The following CECR2 variants were observed in gnomAD, a reference collection of about 807,000 sequenced individuals.
CECR2 encodes the protein CECR2 histone acetyl-lysine reader, also known as chromatin remodeling regulator CECR2.
A neutral mutation model predicts 154.5 loss-of-function variants in CECR2; 30 were observed. The ratio of observed to expected loss-of-function variants is 0.19; its 90% CI spans 0.15 to 0.26. The LOEUF is 0.26. Ranked by LOEUF, CECR2 falls within the 10% of genes least tolerant of loss-of-function variation. The probability of loss-of-function intolerance (pLI) is 1.00; values close to 1 mark genes in which losing one functional copy is unlikely to be tolerated. For synonymous variants in CECR2, 725 were observed against 683.7 expected (o/e 1.06, Z -0.94); for missense variants, 1,743 against 1,829.3 (o/e 0.95, Z 0.86).
chr22:17,446,137 TA>T (rs201360606), intron 1 of CECR2, among the ~76,000 whole-genome samples: 5 of 152,034 alleles, frequency 3.3e-5, no homozygotes, highest in Non-Finnish European at 7.4e-5. Flanking sequence ...AAATAGCCAT[TA>T]AAAAAAACTC....
In CECR2 at chr22:17,430,275, T is replaced by C. The variant is rs11912338; in HGVS notation, c.127-47313T>C. On this transcript the variant is annotated intron_variant, in intron 1 of 18. Transcript: ENST00000262608. ...TGCACATAACCTATACCCGCATTTG[T>C]TTAGCAAAATGGTGTGCACGGGTTC... Among the ~76,000 whole-genome samples, 347 of 152,294 alleles carry C rather than the reference T, an allele frequency of 2.3e-3. 1 individual carries two copies. The highest frequency in any genetic ancestry group is 7.9e-3 in the African/African-American group (330 of 41,566).
In CECR2 at chr22:17,392,266, A is replaced by G. The variant is rs533125856; in HGVS notation, c.126+22357A>G. 2.0e-5 allele frequency among the ~76,000 whole-genome samples: 3 copies of G among 152,206 alleles called. No individual in the cohort carries two copies. In the South Asian group the frequency reaches 6.2e-4, roughly 32 times the overall value. On this transcript the variant is annotated intron_variant, in intron 1 of 18. Coordinates refer to ENST00000262608, the MANE Select transcript of CECR2 (RefSeq NM_001290047.2). Reference sequence around the variant, plus strand: ...TAAGACCGTGTCTCAACAACAAAAAAAATTTTTAATTGGCCAGGCGCAGTG... The same window carrying G: ...TAAGACCGTGTCTCAACAACAAAAAGAATTTTTAATTGGCCAGGCGCAGTG...
chr22:17,505,617 T>C (rs1328769409), intron 7 of CECR2, among the ~76,000 whole-genome samples: 1 of 134,164 alleles, frequency 7.5e-6, no homozygotes, highest in Non-Finnish European at 1.5e-5. Flanking sequence ...CACTGCAACC[T>C]CTGCCTTCCA....
chr22:17,493,745 G>C (rs1187235419), intron 2 of CECR2, among the ~76,000 whole-genome samples: 1 of 152,266 alleles, frequency 6.6e-6, no homozygotes, highest in African/African-American at 2.4e-5. Flanking sequence ...CAGACAGACT[G>C]TTGTCTAAAG....
intron 1 of CECR2, among the ~76,000 whole-genome samples, chr22:17,464,536 G>T (rs988428645): frequency 1.3e-5 from 2 of 151,954 alleles, no homozygotes; most frequent in Non-Finnish European, 2.9e-5. Flanking sequence ...TCTCTGCTTG[G>T]TCGTTCAGAC....
At chr22:17,397,522 G>A (rs2146524547) in intron 1 of CECR2, among the ~76,000 whole-genome samples, 1 of 151,930 alleles carries the variant, frequency 6.6e-6, no homozygotes, top group African/African-American at 2.4e-5. Context: ...TTTTAAGACG[G>A]AGTCTCACTC....
chr22:17,463,654 G>T (rs569871804), intron 1 of CECR2, among the ~76,000 whole-genome samples: 26 of 152,104 alleles, frequency 1.7e-4, no homozygotes, highest in Admixed American at 3.3e-4. Flanking sequence ...TCCAAAGCTC[G>T]GTTTGGTTCT....
At chr22:17,414,217 C>T (rs1016044627) in intron 1 of CECR2, among the ~76,000 whole-genome samples, 47 of 152,244 alleles carry the variant, frequency 3.1e-4, no homozygotes, top group African/African-American at 1.1e-3. Flanking sequence ...CGTGATCCGC[C>T]CGCCTTGGCC....
intron 1 of CECR2, among the ~76,000 whole-genome samples, chr22:17,398,390 C>T (rs1382194131): frequency 3.3e-5 from 5 of 151,900 alleles, no homozygotes; most frequent in African/African-American, 7.3e-5. Context: ...TATGTGAGGT[C>T]GTAAGTGTGG....
chr22:17,441,393 C>T lies in CECR2; in HGVS notation c.127-36195C>T, dbSNP rs568379079. On this transcript the variant is annotated intron_variant, in intron 1 of 18. Coordinates refer to ENST00000262608, the MANE Select transcript of CECR2 (RefSeq NM_001290047.2). ...CGCACAGCTGTGATACTGTACTAGG[C>T]TGATAATCTTAACACAGAGCCCTTC... 2.2e-4 allele frequency among the ~76,000 whole-genome samples: 34 copies of T among 152,268 alleles called. No individual in the cohort carries two copies. The South Asian group carries it at 6.7e-3, about 30-fold the overall frequency.
intron 1 of CECR2, among the ~76,000 whole-genome samples, chr22:17,397,540 C>T (rs1159587891): frequency 6.6e-6 from 1 of 152,036 alleles, no homozygotes; most frequent in Admixed American, 6.6e-5. Context: ...CTCTTTTGCC[C>T]AGGTCAGACT....
upstream of CECR2, among the ~76,000 whole-genome samples, chr22:17,368,889 C>T (rs1473392298): frequency 1.3e-5 from 2 of 152,128 alleles, no homozygotes; most frequent in Non-Finnish European, 2.9e-5. Context: ...GCTCAATCAG[C>T]CCCACCGCCT....
chr22:17,454,606 A>G (rs1436335109), intron 1 of CECR2, among the ~76,000 whole-genome samples: 2 of 148,602 alleles, frequency 1.3e-5, no homozygotes, highest in Non-Finnish European at 3.0e-5. Flanking sequence ...CTCCGTCTCA[A>G]AAAAAAAAAA....
chr22:17,511,223 T>C (rs912496988), intron 7 of CECR2, among the ~76,000 whole-genome samples: 1 of 152,234 alleles, frequency 6.6e-6, no homozygotes, highest in African/African-American at 2.4e-5. Context: ...TCAAAAGTAG[T>C]AACCTAGATA....
chr22:17,388,201 G>A (rs1358105601), intron 1 of CECR2, among the ~76,000 whole-genome samples: 10 of 152,124 alleles, frequency 6.6e-5, no homozygotes, highest in Admixed American at 1.3e-4. Context: ...TGATCCGCCC[G>A]CCTCAGCCTC....
At chr22:17,510,893 CCCCA>C (rs2055936753) in intron 7 of CECR2, among the ~76,000 whole-genome samples, 7 of 152,180 alleles carry the variant, frequency 4.6e-5, no homozygotes, top group African/African-American at 1.7e-4. Context: ...GCGTGAGCCA[CCCCA>C]CCCAGCCCGA....
intron 1 of CECR2, among the ~76,000 whole-genome samples, chr22:17,468,671 C>G (rs1303600811): frequency 6.6e-6 from 1 of 152,112 alleles, no homozygotes; most frequent in Non-Finnish European, 1.5e-5. Flanking sequence ...AGAACCCTGT[C>G]TCTCCAAAAA....
intron 1 of CECR2, among the ~76,000 whole-genome samples, chr22:17,465,649 T>C (rs2055018875): frequency 6.6e-6 from 1 of 151,894 alleles, no homozygotes; most frequent in East Asian, 2.0e-4. Flanking sequence ...CATGCCTGGC[T>C]AATTTTTGTA....
rs541108380 is a variant in CECR2, at chr22:17,451,656, C to G, written c.127-25932C>G. 1.1e-3 allele frequency among the ~76,000 whole-genome samples: 174 copies of G among 152,276 alleles called. 2 individuals are homozygous for G. The highest frequency in any genetic ancestry group is 4.0e-3 in the African/African-American group (167 of 41,558). ...GGTGGTTTCCTTTGCCTGGAAAGTT[C>G]TTTCCAGTGTATGGCTGGCTGCTTC... On this transcript the variant is annotated intron_variant, in intron 1 of 18. Transcript: ENST00000262608.
Sources: allele counts gnomAD v4.1 joint callset (sites outside exome capture counted in the v4.1 genomes callset), GRCh38; gene constraint gnomAD v4.1.1; transcripts MANE v1.5; gene names NCBI Gene and HGNC (gene_info 2026-07-23, HGNC 2026-07-21).